Variants in FOXN3 observed in about 807,000 individuals in gnomAD.
FOXN3 encodes the protein forkhead box protein N3.
Under a neutral mutation model 38.4 loss-of-function variants are expected in FOXN3, and 7 were observed. That is an observed-to-expected ratio of 0.18 (90% confidence interval 0.10 to 0.34). The LOEUF (loss-of-function observed/expected upper bound fraction) is 0.34, where lower values mean the gene tolerates loss of function less well. FOXN3 is among the 10% of genes least tolerant of loss of function. The probability of loss-of-function intolerance (pLI) is 1.00; values close to 1 mark genes in which losing one functional copy is unlikely to be tolerated. For synonymous variants in FOXN3, 230 were observed against 242.2 expected (o/e 0.95, Z 0.47); for missense variants, 456 against 613.4 (o/e 0.74, Z 2.71).
intron 2 of FOXN3, among the ~76,000 whole-genome samples, chr14:89,392,163 C>A (rs1454133403): frequency 6.6e-6 from 1 of 152,226 alleles, no homozygotes; most frequent in Non-Finnish European, 1.5e-5. Context: ...GAGAGAAGTT[C>A]TAAGCCCAGG....
intron 3 of FOXN3, among the ~76,000 whole-genome samples, chr14:89,310,725 A>T (rs1887514309): frequency 6.6e-6 from 1 of 152,134 alleles, no homozygotes; most frequent in Admixed American, 6.6e-5. Context: ...AAAGAGCCTT[A>T]TTACCTAGTC....
chr14:89,270,986 T>A (rs1886136991), intron 4 of FOXN3, among the ~76,000 whole-genome samples: 1 of 152,062 alleles, frequency 6.6e-6, no homozygotes, highest in Non-Finnish European at 1.5e-5. Flanking sequence ...AGTTCACACT[T>A]GGCACTGGTA....
At chr14:89,509,142 A>G (rs900633315) in intron 1 of FOXN3, among the ~76,000 whole-genome samples, 4 of 151,250 alleles carry the variant, frequency 2.6e-5, no homozygotes, top group Non-Finnish European at 5.9e-5. Context: ...CCAGGTCCCT[A>G]TCAGTACCTC....
At chr14:89,456,998 G>T (rs1398284836) in intron 1 of FOXN3, among the ~76,000 whole-genome samples, 1 of 152,160 alleles carries the variant, frequency 6.6e-6, no homozygotes, top group Admixed American at 6.5e-5. Context: ...CGGCAAATGG[G>T]AAGTAAATTT....
intron 1 of FOXN3, among the ~76,000 whole-genome samples, chr14:89,592,032 G>C (rs1282987348): frequency 6.6e-6 from 1 of 152,162 alleles, no homozygotes; most frequent in African/African-American, 2.4e-5. Context: ...TCTAAGAGAA[G>C]AGAAGGCATT....
intron 1 of FOXN3, among the ~76,000 whole-genome samples, chr14:89,450,827 C>T (rs1468458724): frequency 1.3e-5 from 2 of 152,086 alleles, no homozygotes; most frequent in African/African-American, 4.8e-5. Flanking sequence ...TCTGGTGATC[C>T]GCCCACCTCG....
rs115535255 is a variant in FOXN3 at position 89,537,427 on chromosome 14, G to A, written c.-15+81601C>T. 7.5e-3 allele frequency among the ~76,000 whole-genome samples: 1,127 copies of A among 150,890 alleles called. 9 individuals are homozygous for A. The highest frequency in any genetic ancestry group is 0.026 in the African/African-American group (1,072 of 40,924). On this transcript the variant is annotated intron_variant, in intron 1 of 6. Transcript: ENST00000345097. ...GATTGATGGACTGTCCAATTTAGAGGATTCCATGAAATGTTGGATGGATGG... is the reference window on the plus strand; with the variant it reads ...GATTGATGGACTGTCCAATTTAGAGAATTCCATGAAATGTTGGATGGATGG...
At chr14:89,473,009 G>A (rs887455649) in intron 1 of FOXN3, among the ~76,000 whole-genome samples, 2 of 151,996 alleles carry the variant, frequency 1.3e-5, no homozygotes, top group Admixed American at 6.6e-5. Context: ...GGAGGAGAAG[G>A]TGATCATTTT....
At chr14:89,369,458 G>C (rs909633288) in intron 2 of FOXN3, among the ~76,000 whole-genome samples, 1 of 152,082 alleles carries the variant, frequency 6.6e-6, no homozygotes, top group South Asian at 2.1e-4. Flanking sequence ...ATCTAGAAGA[G>C]AGATAGTATA....
chr14:89,432,558 A>G (rs1193614949), intron 1 of FOXN3, among the ~76,000 whole-genome samples: 7 of 152,168 alleles, frequency 4.6e-5, no homozygotes, highest in Non-Finnish European at 1.0e-4. Flanking sequence ...ACAGATGAGG[A>G]CACCAAGGCT....
rs933760185 is a variant in FOXN3 at position 89,558,654 on chromosome 14, A to G, written c.-15+60374T>C. On this transcript the variant is annotated intron_variant, in intron 1 of 6. Coordinates refer to the FOXN3 transcript ENST00000345097. ...GATCAAACTCCTTGAACAATGCCTC[A>G]GGTCAGGATGAGTCCAAGGCCTTGG... Among the ~76,000 whole-genome samples the G allele has an allele frequency of 2.0e-5, 3 of 152,260 alleles. No individual in the cohort carries two copies. The East Asian group carries it at 5.8e-4, about 29-fold the overall frequency.
At chr14:89,393,521 T>A (rs897751840) in intron 2 of FOXN3, among the ~76,000 whole-genome samples, 1 of 152,202 alleles carries the variant, frequency 6.6e-6, no homozygotes, top group Non-Finnish European at 1.5e-5. Flanking sequence ...TGGCTGTCTC[T>A]GAAGTGCTGA....
At chr14:89,505,266 C>T (rs1314725002) in intron 1 of FOXN3, among the ~76,000 whole-genome samples, 1 of 151,560 alleles carries the variant, frequency 6.6e-6, no homozygotes, top group Non-Finnish European at 1.5e-5. Context: ...CTCCCTCTCC[C>T]TCTCCTTCTC....
intron 3 of FOXN3, among the ~76,000 whole-genome samples, chr14:89,312,977 T>C (rs1887605173): frequency 6.6e-6 from 1 of 152,140 alleles, no homozygotes; most frequent in South Asian, 2.1e-4. Context: ...AAATGACTGA[T>C]AGTACAAAAG....
intron 1 of FOXN3, among the ~76,000 whole-genome samples, chr14:89,510,926 G>C (rs1894043550): frequency 6.6e-6 from 1 of 152,120 alleles, no homozygotes. Context: ...CTGGGTGACA[G>C]AGTGAGACTC....
chr14:89,606,459 G>GA (rs1018122653), intron 1 of FOXN3, among the ~76,000 whole-genome samples: 13 of 151,032 alleles, frequency 8.6e-5, no homozygotes, highest in Admixed American at 1.3e-4. Context: ...CAGCAAAAAA[G>GA]AAAAAAAAAT....
chr14:89,421,902 C>T (rs571161144), upstream of FOXN3, among the ~76,000 whole-genome samples: 16 of 152,070 alleles, frequency 1.1e-4, no homozygotes, highest in South Asian at 1.2e-3. Flanking sequence ...ATTTATTTGA[C>T]AGAGTCTGGC....
At chr14:89,332,005 G>A (rs1396218978) in intron 3 of FOXN3, among the ~76,000 whole-genome samples, 1 of 152,108 alleles carries the variant, frequency 6.6e-6, no homozygotes, top group Non-Finnish European at 1.5e-5. Context: ...TTACTACAAA[G>A]AAGTTATAAT....
intron 2 of FOXN3, chr14:89,351,223 GA>G (rs1256275246): frequency 6.5e-6 from 1 of 152,906 alleles, no homozygotes; most frequent in Admixed American, 6.6e-5. Context: ...CTCTGCTCCA[GA>G]AATTTAGTTA....
Sources: gnomAD v4.1 joint callset for allele counts (sites outside exome capture counted in the v4.1 genomes callset) on GRCh38, gnomAD v4.1.1 for gene constraint, MANE v1.5 for transcripts, NCBI Gene and HGNC (gene_info 2026-07-23, HGNC 2026-07-21) for gene names.